NAA11: variants seen among roughly 807,000 people sequenced by gnomAD.
NAA11 encodes N-alpha-acetyltransferase 11.
Under a neutral mutation model 16.1 loss-of-function variants are expected in NAA11, and 15 were observed. The ratio of observed to expected loss-of-function variants is 0.93; its 90% CI spans 0.62 to 1.44. The LOEUF is 1.44. Ranked by LOEUF, NAA11 falls within the 40% of genes most tolerant of loss-of-function variation. The probability of loss-of-function intolerance (pLI) is 0.00; values close to 1 mark genes in which losing one functional copy is unlikely to be tolerated. For synonymous variants in NAA11, 122 were observed against 112.4 expected (o/e 1.09, Z -0.54); for missense variants, 298 against 291.3 (o/e 1.02, Z -0.17).
chr4:79,161,214 T>G, the NAA11 span, among the ~76,000 whole-genome samples: 13 of 152,180 alleles, frequency 8.5e-5, no homozygotes, highest in Non-Finnish European at 1.6e-4. Context: ...CTTTCCCTGT[T>G]GCGCAGGCTG....
At chr4:79,158,150 C>T in the NAA11 span, among the ~76,000 whole-genome samples, 1 of 147,464 alleles carries the variant, frequency 6.8e-6, no homozygotes, top group Admixed American at 6.8e-5. Context: ...ATCCGCCTGC[C>T]TCGGCCTCCC....
chr4:79,281,274 G>GA lies in NAA11; in HGVS notation c.*122+12730dup, dbSNP rs879640162. Among the ~76,000 whole-genome samples the GA allele has an allele frequency of 4.9e-3, 668 of 135,412 alleles. 2 individuals carry two copies. The highest frequency in any genetic ancestry group is 0.012 in the African/African-American group (439 of 37,136). The allele number at this position is 135,412 out of a possible 152,430, so 88.8% of individuals were successfully genotyped here. On this transcript the variant is annotated intron_variant and NMD_transcript_variant, in intron 2 of 2. Coordinates refer to the NAA11 transcript ENST00000511542. ...CTATAGTATGGCTATGCAGATGGAG[G>GA]AAAAAAAAAAAAACATTCTCAAGGA... is the stretch of plus-strand genomic sequence containing the variant.
intron 2 of NAA11, chr4:79,245,270 CG>C (rs1721787209): frequency 6.3e-6 from 1 of 158,128 alleles, no homozygotes; most frequent in Non-Finnish European, 1.4e-5. Context: ...CGCCTCTTCC[CG>C]GGCCATCATC....
At chr4:79,196,658 C>T in the NAA11 span, among the ~76,000 whole-genome samples, 3 of 151,948 alleles carry the variant, frequency 2.0e-5, no homozygotes, top group Admixed American at 6.6e-5. Flanking sequence ...CTCCCCTCTT[C>T]AGATGTCCAT....
the NAA11 span, among the ~76,000 whole-genome samples, chr4:79,208,299 TAAC>T: frequency 1.2e-4 from 18 of 152,180 alleles, no homozygotes; most frequent in African/African-American, 4.3e-4. Context: ...TTAACACTCT[TAAC>T]AAGTGTTTTA....
chr4:79,262,959 T>G (rs1301801257), intron 2 of NAA11, among the ~76,000 whole-genome samples: 1 of 152,074 alleles, frequency 6.6e-6, no homozygotes, highest in Non-Finnish European at 1.5e-5. Context: ...TTGTAGAAAC[T>G]TACATATAAA....
the NAA11 span, among the ~76,000 whole-genome samples, chr4:79,185,338 A>G: frequency 6.6e-6 from 1 of 152,172 alleles, no homozygotes; most frequent in African/African-American, 2.4e-5. Flanking sequence ...CTCAGACAGC[A>G]CCTTTTTCCC....
chr4:79,228,232 TTG>T (rs1482048088), intron 2 of NAA11, among the ~76,000 whole-genome samples: 1 of 152,038 alleles, frequency 6.6e-6, no homozygotes, highest in East Asian at 1.9e-4. Context: ...TGGGGAAATA[TTG>T]TTAATTTTTG....
chr4:79,297,280 G>C (rs1723250916), intron 1 of NAA11, among the ~76,000 whole-genome samples: 1 of 152,214 alleles, frequency 6.6e-6, no homozygotes, highest in Non-Finnish European at 1.5e-5. Flanking sequence ...TACTGTGATG[G>C]AGCCAGGCTG....
At chr4:79,240,479 G>A (rs1169918680) in intron 2 of NAA11, among the ~76,000 whole-genome samples, 1 of 152,140 alleles carries the variant, frequency 6.6e-6, no homozygotes, top group Non-Finnish European at 1.5e-5. Context: ...GGGTAGGATT[G>A]GCAATGTTCT....
chr4:79,307,817 A>C (rs1177321365), intron 1 of NAA11, among the ~76,000 whole-genome samples: 1 of 152,206 alleles, frequency 6.6e-6, no homozygotes, highest in Non-Finnish European at 1.5e-5. Context: ...ACAATCCAGA[A>C]AGAAAATTCT....
Position 79,309,701 on chromosome 4 carries a change from G to GT in NAA11, c.*12+15474dup, listed in dbSNP as rs199910258. Among the ~76,000 whole-genome samples, 937 of 107,692 alleles carry GT rather than the reference G, an allele frequency of 8.7e-3. 4 individuals are homozygous for GT. The highest frequency in any genetic ancestry group is 0.014 in the Non-Finnish European group (726 of 52,034). 70.7% of individuals were successfully genotyped at this position (107,692 alleles called of 152,430 possible). On this transcript the variant is annotated intron_variant and NMD_transcript_variant, in intron 1 of 2. Coordinates refer to the NAA11 transcript ENST00000511542. ...TGAAAAGAATTCTTATTCTATTGGTGTTTTTTTTTTTTCTTTTTTTTTTTT... is the reference window on the plus strand; with the variant it reads ...TGAAAAGAATTCTTATTCTATTGGTGTTTTTTTTTTTTTCTTTTTTTTTTTT...
chr4:79,219,376 G>T, the NAA11 span, among the ~76,000 whole-genome samples: 4 of 152,074 alleles, frequency 2.6e-5, no homozygotes, highest in African/African-American at 9.7e-5. Flanking sequence ...GCTCAAATAA[G>T]GCCTAATAAA....
intron 2 of NAA11, among the ~76,000 whole-genome samples, chr4:79,255,476 G>A (rs147093261): frequency 6.6e-6 from 1 of 152,018 alleles, no homozygotes; most frequent in East Asian, 1.9e-4. Context: ...AGTAATGCTG[G>A]TGTTCTTTTG....
chr4:79,300,843 GC>G (rs1723363737), intron 1 of NAA11, among the ~76,000 whole-genome samples: 1 of 152,130 alleles, frequency 6.6e-6, no homozygotes, highest in African/African-American at 2.4e-5. Flanking sequence ...AATTAGAGAA[GC>G]CATATTTTAA....
chr4:79,230,708 G>GT (rs546721227), intron 2 of NAA11, among the ~76,000 whole-genome samples: 1 of 151,586 alleles, frequency 6.6e-6, no homozygotes, highest in African/African-American at 2.4e-5. Context: ...AACTAAAGGA[G>GT]TTTTTTTTGC....
chr4:79,314,250 A>G (rs1723865134), downstream of NAA11, among the ~76,000 whole-genome samples: 1 of 152,164 alleles, frequency 6.6e-6, no homozygotes, highest in South Asian at 2.1e-4. Flanking sequence ...ACCCTTTCCC[A>G]TATGTTTTAT....
intron 2 of NAA11, among the ~76,000 whole-genome samples, chr4:79,260,462 C>G (rs1044770049): frequency 3.9e-5 from 6 of 152,134 alleles, no homozygotes; most frequent in African/African-American, 7.2e-5. Flanking sequence ...TGGCATCTGA[C>G]TAGGCCATTT....
At chr4:79,318,487 C>A (rs1723995437) in intron 1 of NAA11, among the ~76,000 whole-genome samples, 1 of 152,024 alleles carries the variant, frequency 6.6e-6, no homozygotes, top group African/African-American at 2.4e-5. Flanking sequence ...TACTCAGTAC[C>A]TTTTCATCTA....
Sources: gnomAD v4.1 joint callset for allele counts (sites outside exome capture counted in the v4.1 genomes callset) on GRCh38, gnomAD v4.1.1 for gene constraint, MANE v1.5 for transcripts, NCBI Gene and HGNC (gene_info 2026-07-23, HGNC 2026-07-21) for gene names.